KDM6A: variants seen among roughly 807,000 people sequenced by gnomAD.
KDM6A encodes lysine-specific demethylase 6A.
KDM6A carries 11 observed loss-of-function variants against 117.6 expected under a neutral mutation model. That is an observed-to-expected ratio of 0.09 (90% CI 0.06 to 0.15). The LOEUF is 0.15. Ranked by LOEUF, KDM6A falls within the 10% of genes least tolerant of loss-of-function variation. KDM6A has a pLI of 1.00. For synonymous variants in KDM6A, 384 were observed against 396.1 expected, an observed-to-expected ratio of 0.97 and a Z score of 0.36; for missense variants, 799 against 1,077.3, an observed-to-expected ratio of 0.74 and a Z score of 3.62.
In KDM6A at chrX:45,040,165, C is replaced by T. The variant is rs1476541359; in HGVS notation, c.654+2476C>T. Among the ~76,000 whole-genome samples the T allele has an allele frequency of 1.2e-4, 9 of 76,469 alleles. No homozygotes were observed. In the East Asian group the frequency reaches 1.8e-3, roughly 15 times the overall value. The allele number at this position is 76,469 out of a possible 115,157, so 66.4% of individuals were successfully genotyped here. A position where few individuals can be genotyped will look rare whatever the true frequency, so the allele number is the denominator to read the frequency against. On this transcript the variant is annotated intron_variant, in intron 8 of 29. Coordinates refer to ENST00000611820, the MANE Select transcript of KDM6A (RefSeq NM_001291415.2). ...CTGACCCCCCCACCATCCTCCCGGA[C>T]GGGGCGGCTGGCCAGGCAGAGGGGC...
chrX:44,917,188 G>A (rs562492541), intron 2 of KDM6A, among the ~76,000 whole-genome samples: 34 of 109,815 alleles, frequency 3.1e-4, no homozygotes, highest in African/African-American at 1.0e-3. Context: ...CACCATCCCC[G>A]GCTAATATTT....
intron 5 of KDM6A, among the ~76,000 whole-genome samples, chrX:45,016,421 C>T (rs955628146): frequency 1.8e-5 from 2 of 110,604 alleles, no homozygotes; most frequent in African/African-American, 3.3e-5. Context: ...GCCTGTTAGC[C>T]TCAGAGAACT....
intron 2 of KDM6A, among the ~76,000 whole-genome samples, chrX:44,914,618 C>G (rs1336141256): frequency 9.0e-6 from 1 of 110,840 alleles, no homozygotes. Context: ...GTTCCCTGAC[C>G]CTATCCCTAG....
intron 2 of KDM6A, among the ~76,000 whole-genome samples, chrX:44,957,728 T>A (rs779829227): frequency 3.6e-5 from 4 of 111,877 alleles, no homozygotes; most frequent in African/African-American, 9.7e-5. Flanking sequence ...AATTAGAGGA[T>A]GTAACAATTT....
chrX:44,980,443 C>T (rs1435109891), intron 4 of KDM6A, among the ~76,000 whole-genome samples: 2 of 110,538 alleles, frequency 1.8e-5, no homozygotes, highest in Non-Finnish European at 3.8e-5. Flanking sequence ...AAGAATTTGT[C>T]ATCGGTAATA....
intron 27 of KDM6A, among the ~76,000 whole-genome samples, chrX:45,094,518 C>T (rs942874662): frequency 2.4e-4 from 27 of 111,819 alleles, no homozygotes; most frequent in African/African-American, 7.5e-4. Flanking sequence ...AGCACAGTTA[C>T]GTTTTCATCC....
intron 2 of KDM6A, among the ~76,000 whole-genome samples, chrX:44,902,943 A>T (rs2034445591): frequency 9.0e-6 from 1 of 111,557 alleles, no homozygotes; most frequent in African/African-American, 3.3e-5. Context: ...CTTTTAGGTT[A>T]TTAATCCCAT....
intron 2 of KDM6A, among the ~76,000 whole-genome samples, chrX:44,890,044 C>G (rs754556593): frequency 1.8e-5 from 2 of 111,765 alleles, no homozygotes; most frequent in Non-Finnish European, 3.8e-5. Context: ...TGTCTTGTTC[C>G]CCTTTTATAG....
intron 4 of KDM6A, among the ~76,000 whole-genome samples, chrX:44,980,489 C>T (rs890073872): frequency 9.1e-6 from 1 of 109,613 alleles, no homozygotes; most frequent in African/African-American, 3.3e-5. Context: ...GCGTATTTCA[C>T]CCTGTATTTA....
At chrX:45,015,890 A>G (rs1170044921) in intron 5 of KDM6A, among the ~76,000 whole-genome samples, 1 of 111,862 alleles carries the variant, frequency 8.9e-6, no homozygotes, top group African/African-American at 3.2e-5. Flanking sequence ...AAATCTTGCA[A>G]TAGGGTAGGG....
chrX:45,105,168 AGT>A (rs1465106348), intron 27 of KDM6A, among the ~76,000 whole-genome samples: 2 of 111,629 alleles, frequency 1.8e-5, no homozygotes, highest in Non-Finnish European at 3.8e-5. Flanking sequence ...GAAGGGTTAC[AGT>A]GTGAGATAGT....
chrX:44,883,127 G>A (rs752517959), intron 2 of KDM6A, among the ~76,000 whole-genome samples: 3 of 107,186 alleles, frequency 2.8e-5, no homozygotes, highest in East Asian at 5.9e-4. Flanking sequence ...TGAGTGCAGC[G>A]ATGCTATCTC....
chrX:44,890,668 T>G (rs2033271926), intron 2 of KDM6A, among the ~76,000 whole-genome samples: 3 of 94,640 alleles, frequency 3.2e-5, no homozygotes, highest in Admixed American at 1.1e-4. Flanking sequence ...TTTTTTTTTT[T>G]TGCGAGATAG....
intron 2 of KDM6A, among the ~76,000 whole-genome samples, chrX:44,943,651 C>A (rs992872403): frequency 8.9e-6 from 1 of 112,028 alleles, no homozygotes; most frequent in Non-Finnish European, 1.9e-5. Flanking sequence ...AATAGTATTC[C>A]ATTGTATAGA....
intron 24 of KDM6A, among the ~76,000 whole-genome samples, chrX:45,085,453 T>A (rs1247677886): frequency 8.9e-6 from 1 of 111,757 alleles, no homozygotes; most frequent in Non-Finnish European, 1.9e-5. Flanking sequence ...AGCACTGTTA[T>A]ATGCATTCAT....
chrX:44,989,028 G>A (rs999807265), intron 4 of KDM6A, among the ~76,000 whole-genome samples: 2 of 108,303 alleles, frequency 1.8e-5, no homozygotes, highest in African/African-American at 6.7e-5. Context: ...AGGCAGGCAG[G>A]CCTCCTTGAC....
chrX:44,877,535 G>GTT (rs781316436), intron 2 of KDM6A, among the ~76,000 whole-genome samples: 11 of 99,834 alleles, frequency 1.1e-4, no homozygotes, highest in African/African-American at 3.2e-4. Flanking sequence ...AACCTTTTGG[G>GTT]TTTTTTTTTT....
chrX:44,922,924 A>G (rs745605590), intron 2 of KDM6A, among the ~76,000 whole-genome samples: 121 of 112,333 alleles, frequency 1.1e-3, no homozygotes, highest in African/African-American at 3.8e-3. Context: ...TTAAGTGAAG[A>G]TTAGCTAGTA....
chrX:44,957,394 A>G (rs1167014663), intron 2 of KDM6A, among the ~76,000 whole-genome samples: 1 of 112,336 alleles, frequency 8.9e-6, no homozygotes, highest in African/African-American at 3.2e-5. Flanking sequence ...ATCATAAAAG[A>G]TTAATACTGC....
Sources: gnomAD v4.1 joint callset for allele counts (sites outside exome capture counted in the v4.1 genomes callset) on GRCh38, gnomAD v4.1.1 for gene constraint, MANE v1.5 for transcripts, NCBI Gene and HGNC (gene_info 2026-07-23, HGNC 2026-07-21) for gene names.